DNAJC1: variants seen among roughly 807,000 people sequenced by gnomAD.
DNAJC1 encodes dnaJ homolog subfamily C member 1.
A neutral mutation model predicts 76.6 loss-of-function variants in DNAJC1; 58 were observed. The ratio of observed to expected loss-of-function variants is 0.76; its 90% CI spans 0.61 to 0.94. DNAJC1 has a LOEUF of 0.94. Among genes scored for constraint, DNAJC1 ranks in the 40% least tolerant of loss-of-function variants. The pLI, the probability that DNAJC1 is intolerant of heterozygous loss-of-function variation, is 0.00. For missense variants in DNAJC1, 689 were observed against 677.3 expected (o/e 1.02, Z -0.19); for synonymous variants, 258 against 267.9 (o/e 0.96, Z 0.36).
chr10:21,996,219 T>C (rs182692944), intron 1 of DNAJC1, among the ~76,000 whole-genome samples: 21 of 152,190 alleles, frequency 1.4e-4, no homozygotes, highest in Non-Finnish European at 1.6e-4. Flanking sequence ...TGGAATTAAC[T>C]GGTATCATTA....
At chr10:21,829,561 A>T (rs1284404577) in intron 8 of DNAJC1, among the ~76,000 whole-genome samples, 1 of 152,044 alleles carries the variant, frequency 6.6e-6, no homozygotes, top group Non-Finnish European at 1.5e-5. Context: ...CATGTTGGCC[A>T]GGCTGGTCTT....
chr10:21,991,205 C>T lies in DNAJC1; in HGVS notation c.222+12008G>A, dbSNP rs896390061. On this transcript the variant is annotated intron_variant, in intron 1 of 11. Coordinates refer to ENST00000376980, the MANE Select transcript of DNAJC1 (RefSeq NM_022365.4). ...TTTCAGAATAGGGAGAATGGGCACC[C>T]TGAAAGCTAAAACTACAAAATAGGA... Among the ~76,000 whole-genome samples, 3 of 152,202 alleles carry T rather than the reference C, an allele frequency of 2.0e-5. No individual in the cohort carries two copies. In the South Asian group the frequency reaches 6.2e-4, roughly 32 times the overall value.
At chr10:21,879,801 G>A (rs1836244024) in intron 8 of DNAJC1, among the ~76,000 whole-genome samples, 1 of 152,084 alleles carries the variant, frequency 6.6e-6, no homozygotes, top group South Asian at 2.1e-4. Flanking sequence ...CTTTCTATTG[G>A]TAGAGGGTCT....
chr10:21,960,259 G>C (rs1837765691), intron 1 of DNAJC1, among the ~76,000 whole-genome samples: 1 of 152,150 alleles, frequency 6.6e-6, no homozygotes, highest in Non-Finnish European at 1.5e-5. Context: ...TAACAACCTA[G>C]TTTAATTTAA....
chr10:21,792,870 A>G (rs1292227904), intron 9 of DNAJC1, among the ~76,000 whole-genome samples: 1 of 152,196 alleles, frequency 6.6e-6, no homozygotes, highest in Non-Finnish European at 1.5e-5. Flanking sequence ...ATCAATTTAT[A>G]TACTATGCCA....
intron 3 of DNAJC1, 98 bp from the exon 4 acceptor site, chr10:21,921,061 T>G (rs1186174756): frequency 1.9e-6 from 2 of 1,053,164 alleles, no homozygotes; most frequent in Non-Finnish European, 2.7e-6. Context: ...GAAAACAAAT[T>G]ATCCAAAATA....
At chr10:21,787,870 C>T (rs1256516087) in intron 9 of DNAJC1, among the ~76,000 whole-genome samples, 1 of 152,226 alleles carries the variant, frequency 6.6e-6, no homozygotes, top group African/African-American at 2.4e-5. Context: ...AGAGGAGTAG[C>T]CAATACTGTG....
chr10:21,852,160 T>C (rs551705725), intron 8 of DNAJC1, among the ~76,000 whole-genome samples: 6 of 150,986 alleles, frequency 4.0e-5, no homozygotes, highest in East Asian at 1.9e-4. Context: ...CATAAAAAGA[T>C]TGATACTAGC....
intron 8 of DNAJC1, among the ~76,000 whole-genome samples, chr10:21,881,009 G>C (rs930041050): frequency 4.6e-5 from 7 of 152,342 alleles, no homozygotes; most frequent in African/African-American, 1.7e-4. Flanking sequence ...ACTTGCTGCA[G>C]CTTCTCCATA....
chr10:22,003,318 C>G lies in DNAJC1; in HGVS notation c.117G>C (p.Leu39=). The G allele has an allele frequency of 2.1e-6, 3 of 1,444,694 alleles. No homozygotes were observed. The highest frequency in any genetic ancestry group is 2.8e-6 in the Non-Finnish European group (3 of 1,089,938). 89.5% of individuals were successfully genotyped at this position (1,444,694 alleles called of 1,614,324 possible). ...AGCCGCGCGCCGGCGCCACGGCGGCCAGCAGCAGCAGCAGCAGCCACAGCA... is the reference window on the plus strand; with the variant it reads ...AGCCGCGCGCCGGCGCCACGGCGGCGAGCAGCAGCAGCAGCAGCCACAGCA... ...TPLLWLLLLL[L]AAVAPARGWE... is the part of the protein sequence containing the mutation. Residue 39 remains leucine, a synonymous_variant, in exon 1 of 12, where the codon CTG becomes CTC. Transcript: ENST00000376980.
At chr10:21,919,400 C>T (rs555350372) in intron 5 of DNAJC1, among the ~76,000 whole-genome samples, 1 of 152,094 alleles carries the variant, frequency 6.6e-6, no homozygotes, top group South Asian at 2.1e-4. Flanking sequence ...CCACATTGAT[C>T]CCAGTTCATG....
At chr10:21,966,199 G>A (rs376697832) in intron 1 of DNAJC1, among the ~76,000 whole-genome samples, 37 of 152,160 alleles carry the variant, frequency 2.4e-4, no homozygotes, top group Middle Eastern at 6.8e-3. Flanking sequence ...GCATCCTATT[G>A]GGGGTAAATA....
intron 8 of DNAJC1, among the ~76,000 whole-genome samples, chr10:21,873,268 G>A (rs769248451): frequency 6.6e-6 from 1 of 152,144 alleles, no homozygotes; most frequent in Admixed American, 6.5e-5. Context: ...ACAACTTGGT[G>A]TCTGAGGGGT....
intron 7 of DNAJC1, among the ~76,000 whole-genome samples, chr10:21,890,449 G>A (rs1836444176): frequency 6.7e-6 from 1 of 149,336 alleles, no homozygotes; most frequent in African/African-American, 2.5e-5. Context: ...AAGAAAGGAA[G>A]CCTACTGAAG....
intron 10 of DNAJC1, among the ~76,000 whole-genome samples, chr10:21,764,448 C>G (rs1024396998): frequency 1.3e-5 from 2 of 152,152 alleles, no homozygotes; most frequent in African/African-American, 4.8e-5. Context: ...ACTAAAGCAA[C>G]TCTCTTAAGA....
chr10:21,893,605 C>A (rs1836490904), intron 7 of DNAJC1, among the ~76,000 whole-genome samples: 1 of 151,592 alleles, frequency 6.6e-6, no homozygotes, highest in Non-Finnish European at 1.5e-5. Context: ...TCAGCCTGGG[C>A]CACAGAGTGA....
At chr10:21,829,632 G>A (rs540700621) in intron 8 of DNAJC1, among the ~76,000 whole-genome samples, 32 of 152,326 alleles carry the variant, frequency 2.1e-4, no homozygotes, top group African/African-American at 7.2e-4. Flanking sequence ...GATTACAGGC[G>A]TGAGCCACTG....
intron 1 of DNAJC1, among the ~76,000 whole-genome samples, chr10:21,947,248 A>G (rs1014789560): frequency 1.3e-5 from 2 of 152,220 alleles, no homozygotes; most frequent in African/African-American, 2.4e-5. Context: ...AAAAAAATCT[A>G]TATCAGAATA....
chr10:21,869,097 C>T (rs1836057461), intron 8 of DNAJC1, among the ~76,000 whole-genome samples: 1 of 151,738 alleles, frequency 6.6e-6, no homozygotes, highest in African/African-American at 2.4e-5. Context: ...GAATCTCCTT[C>T]CCTTACTAGG....
Sources: gnomAD v4.1 joint callset for allele counts (sites outside exome capture counted in the v4.1 genomes callset) on GRCh38, gnomAD v4.1.1 for gene constraint, MANE v1.5 for transcripts, NCBI Gene and HGNC (gene_info 2026-07-23, HGNC 2026-07-21) for gene names.